Variants in SGK1 observed in about 807,000 individuals in gnomAD.
SGK1 encodes the protein serine/threonine-protein kinase Sgk1.
In SGK1, 26 loss-of-function variants were observed where a neutral mutation model predicts 64.2. The observed-to-expected ratio is 0.40, with a 90% CI of 0.30 to 0.56. SGK1 has a LOEUF of 0.56. Among genes scored for constraint, SGK1 ranks in the 20% least tolerant of loss-of-function variants. The pLI is 0.38. For missense variants in SGK1, 519 were observed against 645.6 expected (o/e 0.80, Z 2.12); for synonymous variants, 265 against 239.7 (o/e 1.11, Z -0.98).
intron 2 of SGK1, among the ~76,000 whole-genome samples, chr6:134,222,832 G>A (rs1303635278): frequency 6.6e-6 from 1 of 152,134 alleles, no homozygotes; most frequent in Non-Finnish European, 1.5e-5. Flanking sequence ...TTTCTTTCCA[G>A]TAGTTTCAAT....
chr6:134,262,037 C>T lies in SGK1; in HGVS notation c.181G>A (p.Glu61Lys), dbSNP rs1055827472. The T allele has an allele frequency of 5.0e-6, 8 of 1,613,928 alleles. No homozygotes were observed. The highest frequency in any genetic ancestry group is 1.3e-5 in the African/African-American group (1 of 75,046). Residue 61 changes from glutamate (E) to lysine (K), a missense_variant, in exon 2 of 14, where the codon GAG becomes AAG. By Grantham distance (56) the Glu-to-Lys change is moderately conservative (BLOSUM62 1). This residue lies in a region of SGK1 where 241 missense variants were observed against 236.9 expected (regional missense o/e 1.02). Coordinates refer to ENST00000367858, the MANE Select transcript of SGK1 (RefSeq NM_001143676.3). ...VHIPPGEPDF[E>K]SSLCQTCLGE... ...AGGCATGTTTGACACAAGGAAGACT[C>T]GAAGTCTGGCTCCCCTGGAGGGATG... is the stretch of plus-strand genomic sequence containing the variant.
chr6:134,224,387 A>G (rs913489250), intron 2 of SGK1, among the ~76,000 whole-genome samples: 4 of 152,204 alleles, frequency 2.6e-5, no homozygotes, highest in African/African-American at 9.7e-5. Context: ...TGAGTATTCA[A>G]CTTTAAGAGG....
At chr6:134,237,591 C>T (rs1377640538) in intron 2 of SGK1, among the ~76,000 whole-genome samples, 2 of 152,156 alleles carry the variant, frequency 1.3e-5, no homozygotes, top group South Asian at 2.1e-4. Flanking sequence ...GGAGGAGAAT[C>T]GCTTGAACCC....
chr6:134,215,402 C>T (rs1300351920), intron 2 of SGK1, among the ~76,000 whole-genome samples: 1 of 151,668 alleles, frequency 6.6e-6, no homozygotes, highest in Non-Finnish European at 1.5e-5. Flanking sequence ...AGGCATGAGC[C>T]ACGGCGCCTG....
chr6:134,316,546 C>G (rs937086975), intron 1 of SGK1, among the ~76,000 whole-genome samples: 14 of 152,158 alleles, frequency 9.2e-5, no homozygotes, highest in African/African-American at 3.1e-4. Flanking sequence ...CAGATTTACA[C>G]AGACCACCAG....
At chr6:134,175,396 G>C in intron 3 of SGK1, 1 of 1,249,038 alleles carries the variant, frequency 8.0e-7, no homozygotes, top group Non-Finnish European at 1.0e-6. Context: ...TGGGGCGCAG[G>C]CCTGCGCGCG....
chr6:134,179,396 A>G (rs1012783036), intron 3 of SGK1, among the ~76,000 whole-genome samples: 1 of 152,110 alleles, frequency 6.6e-6, no homozygotes, highest in Non-Finnish European at 1.5e-5. Flanking sequence ...TAGAAATACC[A>G]GAAAACATAA....
chr6:134,311,039 G>A (rs1222170631), intron 1 of SGK1, among the ~76,000 whole-genome samples: 1 of 152,188 alleles, frequency 6.6e-6, no homozygotes, highest in Non-Finnish European at 1.5e-5. Flanking sequence ...ATAAGCTGAG[G>A]TCAAGCTTCC....
intron 1 of SGK1, among the ~76,000 whole-genome samples, chr6:134,272,070 G>A (rs565300298): frequency 6.9e-6 from 1 of 145,472 alleles, no homozygotes; most frequent in South Asian, 2.3e-4. Context: ...TCGAACTCCT[G>A]ACCTCAGGCA....
At chr6:134,278,187 ATG>A (rs1562272605) in intron 1 of SGK1, among the ~76,000 whole-genome samples, 2 of 152,234 alleles carry the variant, frequency 1.3e-5, no homozygotes, top group Non-Finnish European at 2.9e-5. Flanking sequence ...GAATGAACAA[ATG>A]ATCAAATGAC....
At chr6:134,298,731 C>T in intron 1 of SGK1, 1 of 572,734 alleles carries the variant, frequency 1.7e-6, no homozygotes, top group Non-Finnish European at 3.0e-6. Flanking sequence ...CGGGCTGAAC[C>T]AGGCAGAGAT....
rs1777202047 is a variant in SGK1, at chr6:134,287,378, T to C, written c.70-25230A>G. 5.3e-5 allele frequency among the ~76,000 whole-genome samples: 8 copies of C among 152,044 alleles called. No individual in the cohort carries two copies. In the South Asian group the frequency reaches 1.7e-3, roughly 31 times the overall value. ...GTTTGTTATTTTGTCCTATAAATTTTTTTGTTATAAATTAATTGTCTGGTT... is the reference window on the plus strand; with the variant it reads ...GTTTGTTATTTTGTCCTATAAATTTCTTTGTTATAAATTAATTGTCTGGTT... On this transcript the variant is annotated intron_variant, in intron 1 of 13. Transcript: ENST00000367858.
At chr6:134,264,009 AC>A (rs1776809294) in intron 1 of SGK1, among the ~76,000 whole-genome samples, 1 of 152,178 alleles carries the variant, frequency 6.6e-6, no homozygotes, top group South Asian at 2.1e-4. Context: ...GGAAAAACAA[AC>A]GCATAGAGAT....
intron 6 of SGK1, 43 bp downstream of exon 6, chr6:134,173,419 A>G: frequency 1.9e-6 from 3 of 1,574,674 alleles, no homozygotes; most frequent in Non-Finnish European, 2.6e-6. Context: ...ACAAAAGAGG[A>G]CATGAAGGAA....
intron 2 of SGK1, among the ~76,000 whole-genome samples, chr6:134,244,810 T>C (rs953828505): frequency 1.3e-5 from 2 of 152,198 alleles, no homozygotes; most frequent in African/African-American, 2.4e-5. Context: ...AGTTTCACTC[T>C]TGTTGCCCAG....
At chr6:134,207,053 A>T (rs141370984) in intron 3 of SGK1, among the ~76,000 whole-genome samples, 1 of 151,342 alleles carries the variant, frequency 6.6e-6, no homozygotes, top group Non-Finnish European at 1.5e-5. Flanking sequence ...GTGAAACACC[A>T]TCTCTACTAA....
At chr6:134,274,604 C>A (rs1300114943) in intron 1 of SGK1, among the ~76,000 whole-genome samples, 1 of 149,966 alleles carries the variant, frequency 6.7e-6, no homozygotes, top group Non-Finnish European at 1.5e-5. Flanking sequence ...CTCATTGGAG[C>A]TTTTTGGATT....
At chr6:134,240,197 C>A (rs1030259254) in intron 2 of SGK1, among the ~76,000 whole-genome samples, 4 of 148,302 alleles carry the variant, frequency 2.7e-5, no homozygotes, top group Non-Finnish European at 5.9e-5. Context: ...GAGGCTGAGG[C>A]AGGAGAATCG....
intron 1 of SGK1, among the ~76,000 whole-genome samples, chr6:134,274,667 G>GAAA (rs752128288): frequency 1.3e-4 from 14 of 111,754 alleles, no homozygotes; most frequent in African/African-American, 4.0e-4. Context: ...TCCAAAATCT[G>GAAA]AAAAAAAAAA....
Sources: allele counts gnomAD v4.1 joint callset (sites outside exome capture counted in the v4.1 genomes callset), GRCh38; gene constraint gnomAD v4.1.1; regional missense constraint gnomAD v4.1.1; transcripts MANE v1.5; gene names NCBI Gene and HGNC (gene_info 2026-07-23, HGNC 2026-07-21).